Variants in GET1 observed in about 807,000 individuals in gnomAD.
The protein encoded by GET1 is congenital heart disease 5 protein.
In GET1, 20 loss-of-function variants were observed where a neutral mutation model predicts 22.6. That is an observed-to-expected ratio of 0.89 (90% confidence interval 0.62 to 1.29). The LOEUF is 1.29. Ranked by LOEUF, GET1 falls within the 50% of genes most tolerant of loss-of-function variation. The pLI, the probability that GET1 is intolerant of heterozygous loss-of-function variation, is 0.00. For missense variants in GET1, 209 were observed against 219.9 expected (o/e 0.95, Z 0.31); for synonymous variants, 92 against 83.8 (o/e 1.10, Z -0.53).
chr21:39,420,249 C>T lies in GET1; in HGVS notation c.*24-7983C>T, dbSNP rs144083415. 2.1e-4 allele frequency among the ~76,000 whole-genome samples: 32 copies of T among 152,062 alleles called. 1 individual carries two copies. The East Asian group carries it at 6.0e-3, about 28-fold the overall frequency. ...GAAGTTACATAATTTAGGCCAGGTG[C>T]GGTGGCTCACACCTGTAATCCCAGC... On this transcript the variant is annotated intron_variant, in intron 1 of 1. Transcript: ENST00000478273.
At chr21:39,425,766 G>A (rs2074578148) in intron 1 of GET1, 2 of 152,600 alleles carry the variant, frequency 1.3e-5, no homozygotes, top group South Asian at 2.1e-4. Context: ...CCAGCTCTTA[G>A]GTGCTCTGAC....
downstream of GET1, among the ~76,000 whole-genome samples, chr21:39,410,663 G>A (rs1292667582): frequency 2.6e-5 from 4 of 152,162 alleles, no homozygotes; most frequent in Admixed American, 6.5e-5. Flanking sequence ...CAAGGTAGAC[G>A]TGTAATTGTG....
chr21:39,426,793 G>A (rs1436350051), intron 1 of GET1, among the ~76,000 whole-genome samples: 1 of 152,228 alleles, frequency 6.6e-6, no homozygotes, highest in African/African-American at 2.4e-5. Context: ...TTTTGATGGA[G>A]TCCAGGCATG....
chr21:39,411,712 A>G, intron 1 of GET1: 2 of 1,385,464 alleles, frequency 1.4e-6, no homozygotes, highest in South Asian at 1.4e-5. Flanking sequence ...AGTAATTAAA[A>G]CATACCTTTT....
At chr21:39,398,511 A>G (rs749824682), downstream of GET1, among the ~76,000 whole-genome samples, 8 of 152,160 alleles carry the variant, frequency 5.3e-5, no homozygotes, top group Non-Finnish European at 7.4e-5. Context: ...GTTCACAGCT[A>G]TTAACTTTCC....
At chr21:39,403,546 C>G (rs369233793) in intron 4 of GET1, among the ~76,000 whole-genome samples, 22 of 120,860 alleles carry the variant, frequency 1.8e-4, no homozygotes, top group African/African-American at 6.8e-4. Context: ...AGGATGGTCT[C>G]GATCTGACTT....
downstream of GET1, among the ~76,000 whole-genome samples, chr21:39,409,155 C>T (rs1435559737): frequency 6.6e-6 from 1 of 152,104 alleles, no homozygotes; most frequent in Non-Finnish European, 1.5e-5. This position sits in a 1 kb window ranked among gnomAD's most constrained non-coding sequence, Gnocchi z 4.2. Context: ...CACTGGAGCA[C>T]TGGTGCTCTC....
chr21:39,410,983 A>G, downstream of GET1: 1 of 468,208 alleles, frequency 2.1e-6, no homozygotes. Flanking sequence ...TTGCTGGGAG[A>G]TTTTGGGGGG....
downstream of GET1, among the ~76,000 whole-genome samples, chr21:39,409,615 CAG>C (rs1437734590): frequency 1.3e-5 from 2 of 151,832 alleles, no homozygotes; most frequent in Non-Finnish European, 2.9e-5. The surrounding 1 kb of genome is among the most constrained non-coding windows in gnomAD (Gnocchi z 4.2). Context: ...TTTTTTGAGA[CAG>C]AGTCTCACTC....
chr21:39,427,542 G>C (rs1457742465), intron 1 of GET1, among the ~76,000 whole-genome samples: 2 of 151,750 alleles, frequency 1.3e-5, no homozygotes, highest in East Asian at 3.9e-4. Flanking sequence ...GGTGCCTGTA[G>C]TCCCAGCTAC....
Position 39,397,001 on chromosome 21 carries a change from T to C in GET1, c.*62T>C. On this transcript the variant is annotated 3_prime_UTR_variant, in exon 5 of 5. Transcript: ENST00000649170. ...GATTTCCTCTTCCTAGCTTAAAATC[T>C]GATTTACACTGTTTTGTTTTTTAAG... The C allele has an allele frequency of 6.4e-7, 1 of 1,555,100 alleles. No individual in the cohort carries two copies. Among genetic ancestry groups the C allele is most frequent in the Non-Finnish European group, 8.8e-7 (1 of 1,132,446 alleles).
chr21:39,418,896 ATG>A (rs1301879943), intron 1 of GET1, among the ~76,000 whole-genome samples: 1 of 152,170 alleles, frequency 6.6e-6, no homozygotes, highest in African/African-American at 2.4e-5. Flanking sequence ...GTGTCTCCAT[ATG>A]TGTGTGTGTT....
At chr21:39,407,303 C>T (rs771032384), downstream of GET1, among the ~76,000 whole-genome samples, 2 of 152,128 alleles carry the variant, frequency 1.3e-5, no homozygotes, top group Non-Finnish European at 2.9e-5. Context: ...TTCATCCATC[C>T]AATTGGCAAA....
chr21:39,404,991 C>A (rs2038967878), intron 4 of GET1, among the ~76,000 whole-genome samples: 1 of 151,808 alleles, frequency 6.6e-6, no homozygotes, highest in African/African-American at 2.4e-5. Context: ...GCCACCACAC[C>A]CAGCTGATTT....
chr21:39,410,308 G>A, downstream of GET1: 5 of 1,611,068 alleles, frequency 3.1e-6, no homozygotes, highest in Non-Finnish European at 3.4e-6. Context: ...GTTCCCTGGT[G>A]TCTCATACTT....
chr21:39,400,056 C>G (rs2038801325), downstream of GET1, among the ~76,000 whole-genome samples: 1 of 152,042 alleles, frequency 6.6e-6, no homozygotes, highest in African/African-American at 2.4e-5. Flanking sequence ...TGTGCTGTTG[C>G]CACCATAAGG....
chr21:39,423,301 T>G, intron 1 of GET1: 1 of 1,609,002 alleles, frequency 6.2e-7, no homozygotes, highest in Non-Finnish European at 8.5e-7. Context: ...AAATTGGTTT[T>G]CTGTAAGGAT....
At chr21:39,418,883 A>T (rs766137990) in intron 1 of GET1, among the ~76,000 whole-genome samples, 1 of 152,112 alleles carries the variant, frequency 6.6e-6, no homozygotes, top group Non-Finnish European at 1.5e-5. Flanking sequence ...AAATTCCCCA[A>T]TTGTGTCTCC....
chr21:39,383,250 A>G lies in GET1; in HGVS notation c.102+2764A>G, dbSNP rs200673789. Among the ~76,000 whole-genome samples, 664 of 147,482 alleles carry G rather than the reference A, an allele frequency of 4.5e-3. 9 individuals carry two copies. The highest frequency in any genetic ancestry group is 0.013 in the African/African-American group (538 of 39,970). On this transcript the variant is annotated intron_variant, in intron 1 of 4. Transcript: ENST00000649170. ...ATTACAGGCTTGTGCCACCGCGCCCAGCCTATTTTTTTTTTTATTATTTAT... is the reference window on the plus strand; with the variant it reads ...ATTACAGGCTTGTGCCACCGCGCCCGGCCTATTTTTTTTTTTATTATTTAT...
Sources: gnomAD v4.1 joint callset for allele counts (sites outside exome capture counted in the v4.1 genomes callset) on GRCh38, gnomAD v4.1.1 for gene constraint, Gnocchi (gnomAD v3.1) non-coding constraint, MANE v1.5 for transcripts, NCBI Gene and HGNC (gene_info 2026-07-23, HGNC 2026-07-21) for gene names.